Variants in NAV3 observed in about 807,000 individuals in gnomAD.
The protein encoded by NAV3 is neuron navigator 3, also known as pore membrane and/or filament interacting like protein 1.
Under a neutral mutation model 244.7 loss-of-function variants are expected in NAV3, and 87 were observed. The ratio of observed to expected loss-of-function variants is 0.36; its 90% CI spans 0.30 to 0.42. The LOEUF is 0.42. NAV3 is among the 20% of genes least tolerant of loss of function. The probability of loss-of-function intolerance (pLI) is 1.00; values close to 1 mark genes in which losing one functional copy is unlikely to be tolerated. For synonymous variants in NAV3, 1,126 were observed against 1,042.2 expected, an observed-to-expected ratio of 1.08 and a Z score of -1.55; for missense variants, 2,663 against 2,893.3, an observed-to-expected ratio of 0.92 and a Z score of 1.83.
intron 26 of NAV3, 91 bp downstream of exon 26, chr12:78,176,550 A>G (rs992118855): frequency 2.7e-6 from 3 of 1,123,926 alleles, no homozygotes; most frequent in Non-Finnish European, 4.0e-6. Flanking sequence ...AGGCTTTTAT[A>G]CCTTTTAAAA....
chr12:77,805,703 C>T (rs1237049572), intron 2 of NAV3, among the ~76,000 whole-genome samples: 1 of 152,168 alleles, frequency 6.6e-6, no homozygotes, highest in African/African-American at 2.4e-5. Context: ...GGAGGAGTCC[C>T]TCTTTTTCTA....
intron 5 of NAV3, among the ~76,000 whole-genome samples, chr12:77,977,708 A>ACG (rs143241072): frequency 0.014 from 1,039 of 73,326 alleles, 5 homozygotes; most frequent in East Asian, 0.035. Context: ...ACACACACAC[A>ACG]CGCGCACACA....
chr12:78,136,396 T>C (rs2139000339), intron 18 of NAV3, among the ~76,000 whole-genome samples: 1 of 152,288 alleles, frequency 6.6e-6, no homozygotes, highest in South Asian at 2.1e-4. Flanking sequence ...ACCAAATCTT[T>C]CCTTAAATTG....
intron 20 of NAV3, among the ~76,000 whole-genome samples, chr12:78,145,807 A>G (rs1956841251): frequency 6.6e-6 from 1 of 152,158 alleles, no homozygotes; most frequent in Non-Finnish European, 1.5e-5. Flanking sequence ...ATTATTAATA[A>G]TCATTAAAGA....
In NAV3 at chr12:78,123,334, G is replaced by T. The variant is rs538017056; in HGVS notation, c.4238+906G>T. 8.2e-5 allele frequency among the ~76,000 whole-genome samples: 11 copies of T among 133,914 alleles called. No individual in the cohort carries two copies. In the South Asian group the frequency reaches 2.8e-3, roughly 34 times the overall value. The allele number at this position is 133,914 out of a possible 152,430, so 87.9% of individuals were successfully genotyped here. A position where few individuals can be genotyped will look rare whatever the true frequency, so the allele number is the denominator to read the frequency against. On this transcript the variant is annotated intron_variant, in intron 16 of 39. Coordinates refer to ENST00000397909, the MANE Select transcript of NAV3 (RefSeq NM_001024383.2). ...GATATATCTTTCTATGTCTTCCCCT[G>T]TTTTTTTTATTTTTTTTTTATTTTT...
intron 9 of NAV3, among the ~76,000 whole-genome samples, chr12:78,029,898 G>T (rs1421709848): frequency 5.3e-5 from 8 of 152,152 alleles, no homozygotes; most frequent in Admixed American, 5.2e-4. Flanking sequence ...GAATGATGGT[G>T]ATGCCACAAA....
chr12:77,850,580 T>C (rs536526081), intron 1 of NAV3, among the ~76,000 whole-genome samples: 1 of 152,344 alleles, frequency 6.6e-6, no homozygotes, highest in African/African-American at 2.4e-5. Context: ...TAAATTAAGC[T>C]ATTTTCTTTT....
chr12:78,033,456 T>C (rs576698979), intron 9 of NAV3, among the ~76,000 whole-genome samples: 1 of 152,264 alleles, frequency 6.6e-6, no homozygotes, highest in South Asian at 2.1e-4. Flanking sequence ...TTTGTCTCCT[T>C]TGCACTGCAC....
intron 2 of NAV3, among the ~76,000 whole-genome samples, chr12:77,737,335 C>A (rs1400495284): frequency 6.6e-6 from 1 of 150,984 alleles, no homozygotes; most frequent in African/African-American, 2.4e-5. Context: ...AGGAGGGTGG[C>A]ATGTATCAGG....
intron 5 of NAV3, among the ~76,000 whole-genome samples, chr12:77,983,125 C>G (rs1869864672): frequency 6.6e-6 from 1 of 152,146 alleles, no homozygotes; most frequent in Admixed American, 6.5e-5. Flanking sequence ...TGCCTAGGAG[C>G]TGGGACTTAT....
chr12:77,676,527 C>G lies in NAV3; in HGVS notation c.72+104261C>G, dbSNP rs992620728. Among the ~76,000 whole-genome samples the G allele has an allele frequency of 6.4e-4, 95 of 148,790 alleles. 1 individual carries two copies. The highest frequency in any genetic ancestry group is 2.2e-3 in the African/African-American group (91 of 40,794). ...TTCTTTTCTTTTTGCAGAACTCGTC[C>G]TGTGTGGCTGGTAAGCCTACCCCTT... On this transcript the variant is annotated intron_variant, in intron 2 of 8. Transcript: ENST00000550042.
intron 5 of NAV3, among the ~76,000 whole-genome samples, chr12:77,973,466 C>T (rs1893175589): frequency 6.6e-6 from 1 of 152,134 alleles, no homozygotes; most frequent in African/African-American, 2.4e-5. Context: ...AATGTGTCCA[C>T]TTTCAAAGAT....
chr12:78,060,923 G>A (rs1884235400), intron 12 of NAV3, among the ~76,000 whole-genome samples: 1 of 152,120 alleles, frequency 6.6e-6, no homozygotes, highest in South Asian at 2.1e-4. Flanking sequence ...TTTGGTTTGG[G>A]GACAGTGGGA....
chr12:77,906,971 G>C (rs947761867), intron 1 of NAV3, among the ~76,000 whole-genome samples: 4 of 152,058 alleles, frequency 2.6e-5, no homozygotes, highest in Non-Finnish European at 5.9e-5. Context: ...CCACCATCCT[G>C]GTCTATCTAT....
At chr12:77,823,516 C>A (rs1369315493) in intron 2 of NAV3, among the ~76,000 whole-genome samples, 2 of 152,208 alleles carry the variant, frequency 1.3e-5, no homozygotes, top group East Asian at 3.8e-4. Flanking sequence ...AGTGAAAAGA[C>A]CACAAGGTGT....
At chr12:77,908,732 T>C (rs1234646563) in intron 1 of NAV3, among the ~76,000 whole-genome samples, 2 of 152,108 alleles carry the variant, frequency 1.3e-5, no homozygotes, top group Non-Finnish European at 2.9e-5. Flanking sequence ...CTATTTTCAA[T>C]ATGTCAGAGA....
chr12:77,652,753 T>C (rs1872884260), intron 2 of NAV3, among the ~76,000 whole-genome samples: 1 of 152,214 alleles, frequency 6.6e-6, no homozygotes, highest in Non-Finnish European at 1.5e-5. Context: ...TAATGATTTT[T>C]AAAATTATAG....
chr12:77,616,649 A>T (rs1319125310), intron 2 of NAV3, among the ~76,000 whole-genome samples: 1 of 151,914 alleles, frequency 6.6e-6, no homozygotes, highest in African/African-American at 2.4e-5. Context: ...GAGCTGGGAG[A>T]CTAGATCTTC....
intron 2 of NAV3, among the ~76,000 whole-genome samples, chr12:77,648,427 C>T (rs1167809160): frequency 6.6e-6 from 1 of 152,050 alleles, no homozygotes; most frequent in Non-Finnish European, 1.5e-5. Context: ...CATTGCACAC[C>T]AGTAGTTTAA....
Sources: allele counts gnomAD v4.1 joint callset (sites outside exome capture counted in the v4.1 genomes callset), GRCh38; gene constraint gnomAD v4.1.1; transcripts MANE v1.5; gene names NCBI Gene and HGNC (gene_info 2026-07-23, HGNC 2026-07-21).